The following PLCB1 variants were observed in gnomAD, a reference collection of about 807,000 sequenced individuals.
PLCB1 encodes 1-phosphatidylinositol 4,5-bisphosphate phosphodiesterase beta-1.
In PLCB1, 46 loss-of-function variants were observed where a neutral mutation model predicts 161.8. The ratio of observed to expected loss-of-function variants is 0.28; its 90% CI spans 0.22 to 0.36. The LOEUF (loss-of-function observed/expected upper bound fraction) is 0.36. PLCB1 is among the 10% of genes least tolerant of loss of function. The probability of loss-of-function intolerance (pLI) is 1.00; values close to 1 mark genes in which losing one functional copy is unlikely to be tolerated. For synonymous variants in PLCB1, 517 were observed against 503.7 expected, an observed-to-expected ratio of 1.03 and a Z score of -0.35; for missense variants, 1,016 against 1,472.5, an observed-to-expected ratio of 0.69 and a Z score of 5.07.
At chr20:8,221,798 A>G (rs1362866234) in intron 2 of PLCB1, among the ~76,000 whole-genome samples, 1 of 152,192 alleles carries the variant, frequency 6.6e-6, no homozygotes, top group Non-Finnish European at 1.5e-5. Flanking sequence ...GAGTTTCAAT[A>G]TTTAAATGGG....
At chr20:8,193,570 G>A (rs1432884352) in intron 2 of PLCB1, among the ~76,000 whole-genome samples, 1 of 152,028 alleles carries the variant, frequency 6.6e-6, no homozygotes, top group Non-Finnish European at 1.5e-5. Context: ...GTGTTTTGTA[G>A]TGGGTGGAAA....
chr20:8,566,680 A>G (rs1186482626), intron 3 of PLCB1, among the ~76,000 whole-genome samples: 1 of 152,166 alleles, frequency 6.6e-6, no homozygotes, highest in Non-Finnish European at 1.5e-5. Context: ...GTTGTAACAT[A>G]AATTTAGTGC....
intron 14 of PLCB1, among the ~76,000 whole-genome samples, chr20:8,718,053 C>G (rs529022349): frequency 2.9e-5 from 4 of 136,828 alleles, no homozygotes; most frequent in Admixed American, 7.4e-5. Flanking sequence ...AATCCTGTCT[C>G]TTGCAAAAAT....
At chr20:8,312,542 C>T (rs1173777418) in intron 2 of PLCB1, among the ~76,000 whole-genome samples, 1 of 152,052 alleles carries the variant, frequency 6.6e-6, no homozygotes, top group African/African-American at 2.4e-5. Flanking sequence ...TAATGTTTTG[C>T]CTGCTGTGAA....
At chr20:8,547,228 G>A (rs537126663) in intron 3 of PLCB1, among the ~76,000 whole-genome samples, 3 of 152,236 alleles carry the variant, frequency 2.0e-5, no homozygotes, top group African/African-American at 4.8e-5. Context: ...GTCATCTTAC[G>A]GCTCGCTCTA....
At chr20:8,708,991 CTCT>C (rs1368525587) in intron 12 of PLCB1, among the ~76,000 whole-genome samples, 1 of 152,134 alleles carries the variant, frequency 6.6e-6, no homozygotes, top group Non-Finnish European at 1.5e-5. Context: ...AAATTAAAAA[CTCT>C]TCTTTTTGCA....
chr20:8,475,500 A>G (rs965784612), intron 3 of PLCB1, among the ~76,000 whole-genome samples: 9 of 152,238 alleles, frequency 5.9e-5, no homozygotes, highest in African/African-American at 2.2e-4. Flanking sequence ...AATTTTACAA[A>G]CAAGGTAACT....
intron 3 of PLCB1, among the ~76,000 whole-genome samples, chr20:8,428,965 A>T (rs1257042102): frequency 6.6e-6 from 1 of 152,182 alleles, no homozygotes; most frequent in African/African-American, 2.4e-5. Flanking sequence ...TAGTTGTGTG[A>T]TTCAGGTGCC....
At chr20:8,810,399 C>T (rs76118706) in intron 31 of PLCB1, among the ~76,000 whole-genome samples, 1 of 152,072 alleles carries the variant, frequency 6.6e-6, no homozygotes, top group African/African-American at 2.4e-5. Flanking sequence ...ATTTATTTTA[C>T]CATCATAACA....
intron 31 of PLCB1, among the ~76,000 whole-genome samples, chr20:8,804,581 A>G (rs1176514253): frequency 6.6e-6 from 1 of 152,232 alleles, no homozygotes; most frequent in Non-Finnish European, 1.5e-5. Flanking sequence ...GTGTATGGAA[A>G]AAAGATTTTT....
At chr20:8,811,720 C>T (rs756367502) in intron 31 of PLCB1, among the ~76,000 whole-genome samples, 35 of 152,226 alleles carry the variant, frequency 2.3e-4, no homozygotes, top group Non-Finnish European at 4.3e-4. Context: ...ACTTACACAA[C>T]TTACATCATG....
chr20:8,832,333 T>C (rs973247323), intron 31 of PLCB1, among the ~76,000 whole-genome samples: 10 of 152,218 alleles, frequency 6.6e-5, no homozygotes, highest in African/African-American at 1.9e-4. Context: ...TTTAAATAAA[T>C]TGTGGAACAC....
At chr20:8,205,863 G>A (rs942756241) in intron 2 of PLCB1, among the ~76,000 whole-genome samples, 1 of 151,944 alleles carries the variant, frequency 6.6e-6, no homozygotes, top group African/African-American at 2.4e-5. Flanking sequence ...CTGGTTTATG[G>A]CTTTGAGTGT....
At chr20:8,608,215 TAGCC>T (rs1221009276) in intron 3 of PLCB1, among the ~76,000 whole-genome samples, 1 of 152,196 alleles carries the variant, frequency 6.6e-6, no homozygotes, top group Non-Finnish European at 1.5e-5. Flanking sequence ...ATGTTTAAAA[TAGCC>T]AGAGAGAGCA....
At chr20:8,218,591 T>C (rs78864344) in intron 2 of PLCB1, among the ~76,000 whole-genome samples, 1,846 of 152,034 alleles carry the variant, frequency 0.012, 42 homozygotes, top group African/African-American at 0.042. Flanking sequence ...AATAAGTTAG[T>C]GTTTATAAAA....
chr20:8,505,121 T>C (rs1054274637), intron 3 of PLCB1, among the ~76,000 whole-genome samples: 1 of 152,134 alleles, frequency 6.6e-6, no homozygotes, highest in Admixed American at 6.6e-5. Context: ...GGCCTTGATA[T>C]CCAAAAGTGC....
chr20:8,176,778 C>G (rs1053156076), intron 2 of PLCB1, among the ~76,000 whole-genome samples: 3 of 152,054 alleles, frequency 2.0e-5, no homozygotes, highest in African/African-American at 7.2e-5. Flanking sequence ...AGGGCTCCCT[C>G]TATATTATTA....
chr20:8,457,714 G>GCGCGCACA (rs1555808428), intron 3 of PLCB1, among the ~76,000 whole-genome samples: 116 of 145,856 alleles, frequency 8.0e-4, no homozygotes, highest in East Asian at 4.8e-3. Context: ...ATGTGTGCGC[G>GCGCGCACA]CACACACACA....
intron 9 of PLCB1, among the ~76,000 whole-genome samples, chr20:8,675,823 A>T (rs1357908202): frequency 1.3e-5 from 2 of 152,206 alleles, no homozygotes; most frequent in African/African-American, 4.8e-5. Flanking sequence ...AGATCTGAGA[A>T]CCTGATCATT....
Sources: gnomAD v4.1 joint callset for allele counts (sites outside exome capture counted in the v4.1 genomes callset) on GRCh38, gnomAD v4.1.1 for gene constraint, MANE v1.5 for transcripts, NCBI Gene and HGNC (gene_info 2026-07-23, HGNC 2026-07-21) for gene names.